CRPPA: variants seen among roughly 807,000 people sequenced by gnomAD.
CRPPA encodes D-ribitol-5-phosphate cytidylyltransferase.
In CRPPA, 43 loss-of-function variants were observed where a neutral mutation model predicts 52.0. That is an observed-to-expected ratio of 0.83 (90% CI 0.65 to 1.07). The LOEUF is 1.07. CRPPA is among the 50% of genes least tolerant of loss of function. CRPPA has a pLI of 0.00. For synonymous variants in CRPPA, 250 were observed against 203.5 expected (o/e 1.23, Z -1.94); for missense variants, 629 against 551.7 (o/e 1.14, Z -1.40).
chr7:16,386,355 G>A (rs1477767551), intron 2 of CRPPA, among the ~76,000 whole-genome samples: 6 of 152,156 alleles, frequency 3.9e-5, no homozygotes, highest in Non-Finnish European at 7.3e-5. Flanking sequence ...TGGGGCTTAT[G>A]TAGGTACAGG....
At chr7:16,207,542 A>G (rs1191941771) in intron 9 of CRPPA, among the ~76,000 whole-genome samples, 2 of 152,220 alleles carry the variant, frequency 1.3e-5, no homozygotes, top group Admixed American at 1.3e-4. Context: ...AAAACAAACA[A>G]AGATATCTCC....
At chr7:16,238,040 G>C (rs893501351) in intron 8 of CRPPA, among the ~76,000 whole-genome samples, 3 of 152,114 alleles carry the variant, frequency 2.0e-5, no homozygotes, top group African/African-American at 4.8e-5. Flanking sequence ...AAAGGGACCA[G>C]GGAATTTGTC....
chr7:16,206,417 C>CA (rs1344002745), intron 9 of CRPPA, among the ~76,000 whole-genome samples: 6 of 151,478 alleles, frequency 4.0e-5, no homozygotes, highest in Admixed American at 2.0e-4. Flanking sequence ...TTGTGGTAAA[C>CA]AAAAAAAAGC....
intron 8 of CRPPA, among the ~76,000 whole-genome samples, chr7:16,256,117 T>TA (rs780351935): frequency 6.6e-6 from 1 of 151,852 alleles, no homozygotes; most frequent in African/African-American, 2.4e-5. Context: ...AACAACCCCA[T>TA]AAAAAATGGG....
intron 3 of CRPPA, among the ~76,000 whole-genome samples, chr7:16,371,693 A>G (rs1786753203): frequency 6.6e-6 from 1 of 152,040 alleles, no homozygotes; most frequent in African/African-American, 2.4e-5. Context: ...ATCCCAAGCA[A>G]TGGATACAAA....
In CRPPA at chr7:16,389,913, C is replaced by CAAAAAAAAAAAAAAAAAAAAAAAA. The variant is rs1163092089; in HGVS notation, c.535-13673_535-13672insTTTTTTTTTTTTTTTTTTTTTTTT. ...GGATACAGAGAACAAGCCTAGTATA[C>CAAAAAAAAAAAAAAAAAAAAAAAA]AAAAAAAAAAAAAAAATATATATAT... is the stretch of plus-strand genomic sequence containing the variant. On this transcript the variant is annotated intron_variant, in intron 2 of 9. Coordinates refer to ENST00000407010, the MANE Select transcript of CRPPA (RefSeq NM_001101426.4). Among the ~76,000 whole-genome samples, 7 of 34,316 alleles carry CAAAAAAAAAAAAAAAAAAAAAAAA rather than the reference C, an allele frequency of 2.0e-4. 1 individual carries two copies. The highest frequency in any genetic ancestry group is 2.6e-3 in the East Asian group (2 of 758). 22.5% of individuals were successfully genotyped at this position (34,316 alleles called of 152,430 possible).
chr7:16,339,393 C>A (rs1785766487), intron 3 of CRPPA, among the ~76,000 whole-genome samples: 1 of 152,034 alleles, frequency 6.6e-6, no homozygotes. Flanking sequence ...ATTTAACATT[C>A]AAAAATCCAT....
chr7:16,144,403 C>G (rs1171911695), intron 9 of CRPPA, among the ~76,000 whole-genome samples: 1 of 152,154 alleles, frequency 6.6e-6, no homozygotes, highest in African/African-American at 2.4e-5. Context: ...TGGGAGAAGT[C>G]ATATGCAGGA....
chr7:16,140,974 T>C (rs17169285), intron 9 of CRPPA, among the ~76,000 whole-genome samples: 12,407 of 152,248 alleles, frequency 0.081, 617 homozygotes, highest in East Asian at 0.15. Context: ...TGCCTAAAAC[T>C]GACTAATGGA....
chr7:16,408,967 T>C (rs1325550088), intron 1 of CRPPA, among the ~76,000 whole-genome samples: 1 of 152,168 alleles, frequency 6.6e-6, no homozygotes, highest in Non-Finnish European at 1.5e-5. Context: ...AGTGGCACAA[T>C]CTTGGCTCAC....
At chr7:16,190,825 C>T (rs1459808344) in intron 9 of CRPPA, among the ~76,000 whole-genome samples, 1 of 152,054 alleles carries the variant, frequency 6.6e-6, no homozygotes, top group Non-Finnish European at 1.5e-5. Flanking sequence ...GCCTTTGCAT[C>T]CTTATAGCTT....
chr7:16,351,835 C>T (rs551680174), intron 3 of CRPPA, among the ~76,000 whole-genome samples: 25 of 152,200 alleles, frequency 1.6e-4, no homozygotes, highest in African/African-American at 5.1e-4. Flanking sequence ...TTAGTTCAAC[C>T]ATTGTGGAAG....
chr7:16,417,451 T>C (rs1411893608), intron 1 of CRPPA, among the ~76,000 whole-genome samples: 1 of 152,232 alleles, frequency 6.6e-6, no homozygotes, highest in African/African-American at 2.4e-5. Flanking sequence ...TATGGAATAC[T>C]ATGTAGCCAT....
At chr7:16,136,981 C>T (rs1308563308) in intron 9 of CRPPA, among the ~76,000 whole-genome samples, 1 of 152,190 alleles carries the variant, frequency 6.6e-6, no homozygotes, top group Non-Finnish European at 1.5e-5. Flanking sequence ...AAATCAAGGT[C>T]ATATTTCAGA....
At chr7:16,198,611 G>C (rs1020336566) in intron 9 of CRPPA, among the ~76,000 whole-genome samples, 11 of 144,994 alleles carry the variant, frequency 7.6e-5, no homozygotes, top group Non-Finnish European at 1.3e-4. Flanking sequence ...CTTTGTCTCT[G>C]TGTCTTTTTC....
At chr7:16,376,574 T>G (rs981750552) in intron 2 of CRPPA, among the ~76,000 whole-genome samples, 1 of 152,184 alleles carries the variant, frequency 6.6e-6, no homozygotes, top group African/African-American at 2.4e-5. Flanking sequence ...AGAGAAAGAC[T>G]ATCATGAAAT....
intron 9 of CRPPA, among the ~76,000 whole-genome samples, chr7:16,104,201 T>C (rs982919110): frequency 2.6e-5 from 4 of 152,212 alleles, no homozygotes; most frequent in Non-Finnish European, 5.9e-5. Context: ...CCTGCAAAAA[T>C]ACTTCTGTTC....
At chr7:16,294,957 A>C (rs1033843512) in intron 5 of CRPPA, among the ~76,000 whole-genome samples, 1 of 152,094 alleles carries the variant, frequency 6.6e-6, no homozygotes, top group Non-Finnish European at 1.5e-5. Context: ...TAAGTAAAAA[A>C]GTTAAAGGAT....
chr7:16,396,994 T>G (rs574260100), intron 2 of CRPPA, among the ~76,000 whole-genome samples: 1 of 152,148 alleles, frequency 6.6e-6, no homozygotes, highest in Non-Finnish European at 1.5e-5. Flanking sequence ...GTGACATGAC[T>G]GACATGGAAC....
Sources: allele counts gnomAD v4.1 joint callset (sites outside exome capture counted in the v4.1 genomes callset), GRCh38; gene constraint gnomAD v4.1.1; transcripts MANE v1.5; gene names NCBI Gene and HGNC (gene_info 2026-07-23, HGNC 2026-07-21).